SORCS3: variants seen among roughly 807,000 people sequenced by gnomAD.
SORCS3 encodes the protein VPS10 domain-containing receptor SorCS3.
A neutral mutation model predicts 146.3 loss-of-function variants in SORCS3; 57 were observed. The ratio of observed to expected loss-of-function variants is 0.39; its 90% CI spans 0.31 to 0.49. The LOEUF (loss-of-function observed/expected upper bound fraction) is 0.49. Among genes scored for constraint, SORCS3 ranks in the 20% least tolerant of loss-of-function variants. The pLI, the probability that SORCS3 is intolerant of heterozygous loss-of-function variation, is 0.92. For missense variants in SORCS3, 1,341 were observed against 1,575.5 expected (o/e 0.85, Z 2.52); for synonymous variants, 653 against 618.5 (o/e 1.06, Z -0.83).
At chr10:105,222,491 GT>G (rs2056709924) in intron 19 of SORCS3, among the ~76,000 whole-genome samples, 1 of 152,054 alleles carries the variant, frequency 6.6e-6, no homozygotes, top group Non-Finnish European at 1.5e-5. Context: ...GCTTATATCA[GT>G]TTTCTGAGGG....
chr10:105,158,873 A>C lies in SORCS3; in HGVS notation c.1630-19A>C. On this transcript the variant is annotated intron_variant, in intron 10 of 26. Transcript: ENST00000369701. The stretch of plus-strand genomic sequence containing the variant: ...GTCTGGAATTTCCTAGAATGAAACT[A>C]TTTCTTTCTCCATTTTAGCCCTTCT... 1 of 1,578,940 alleles carries C rather than the reference A, an allele frequency of 6.3e-7. No homozygotes were observed. The highest frequency in any genetic ancestry group is 8.7e-7 in the Non-Finnish European group (1 of 1,149,014).
chr10:104,726,424 C>T (rs1438238348), intron 1 of SORCS3, among the ~76,000 whole-genome samples: 1 of 152,174 alleles, frequency 6.6e-6, no homozygotes, highest in Non-Finnish European at 1.5e-5. Context: ...TGGATTAATG[C>T]TGTAGGCCAA....
chr10:105,141,708 C>T, intron 8 of SORCS3, among the ~76,000 whole-genome samples: 1 of 152,134 alleles, frequency 6.6e-6, no homozygotes, highest in East Asian at 1.9e-4. Flanking sequence ...ATAACTCAGT[C>T]CCTGGGCATC....
At chr10:104,896,231 T>TTCCCC (rs762206365) in intron 2 of SORCS3, among the ~76,000 whole-genome samples, 42 of 152,312 alleles carry the variant, frequency 2.8e-4, no homozygotes, top group Non-Finnish European at 4.4e-4. Context: ...GAGTTGTCAG[T>TTCCCC]TCCCCTCTTT....
At chr10:105,262,220 T>C in intron 25 of SORCS3, 111 bp from the exon 26 acceptor site, 1 of 980,290 alleles carries the variant, frequency 1.0e-6, no homozygotes, top group Non-Finnish European at 1.6e-6. Flanking sequence ...TTCCCTGACA[T>C]GGACCCTTCC....
At chr10:104,940,243 T>TA (rs2019305020) in intron 3 of SORCS3, among the ~76,000 whole-genome samples, 1 of 37,904 alleles carries the variant, frequency 2.6e-5, no homozygotes, top group South Asian at 9.4e-4. Context: ...TATATATTTT[T>TA]TTTTTTTTTT....
In SORCS3 at chr10:105,262,514, G is replaced by A. The variant is rs766509767; in HGVS notation, c.3604+23G>A. ...TAGGTACATGCTCCTGCTCCACTAA[G>A]CTCCCCTGTTCTGTGTCCTCTAAAC... is the stretch of plus-strand genomic sequence containing the variant. On this transcript the variant is annotated intron_variant, in intron 26 of 26. Transcript: ENST00000369701. The A allele has an allele frequency of 1.4e-5, 22 of 1,609,476 alleles. No individual in the cohort carries two copies. The South Asian group carries it at 2.3e-4, about 17-fold the overall frequency.
intron 2 of SORCS3, among the ~76,000 whole-genome samples, chr10:104,908,162 C>G (rs567340191): frequency 2.0e-5 from 3 of 152,206 alleles, no homozygotes; most frequent in Non-Finnish European, 4.4e-5. Context: ...CAGTGGAGTA[C>G]ACCTGAAGGA....
At chr10:105,182,451 G>C (rs897290559) in intron 14 of SORCS3, among the ~76,000 whole-genome samples, 1 of 151,908 alleles carries the variant, frequency 6.6e-6, no homozygotes, top group Non-Finnish European at 1.5e-5. Flanking sequence ...TTAAAGGAAG[G>C]TACTATAATT....
At chr10:105,086,490 A>G (rs2055661369) in intron 5 of SORCS3, among the ~76,000 whole-genome samples, 1 of 152,154 alleles carries the variant, frequency 6.6e-6, no homozygotes. Context: ...CTTGCTTTCA[A>G]CCTTGAAAGA....
intron 19 of SORCS3, among the ~76,000 whole-genome samples, chr10:105,219,286 C>T (rs2056684689): frequency 6.6e-6 from 1 of 152,264 alleles, no homozygotes; most frequent in East Asian, 1.9e-4. Context: ...AGTTTTCTCC[C>T]CACAAAGTCA....
At chr10:105,155,109 C>G (rs2056197235) in intron 9 of SORCS3, among the ~76,000 whole-genome samples, 1 of 152,158 alleles carries the variant, frequency 6.6e-6, no homozygotes, top group South Asian at 2.1e-4. Context: ...GTCCCCATTC[C>G]CCTGGTTTTG....
intron 1 of SORCS3, among the ~76,000 whole-genome samples, chr10:104,644,160 T>A (rs1458907247): frequency 1.3e-5 from 2 of 152,160 alleles, no homozygotes; most frequent in African/African-American, 4.8e-5. Context: ...GTGACAGCAA[T>A]GAGATTGGAC....
At chr10:104,723,246 C>T (rs940471860) in intron 1 of SORCS3, among the ~76,000 whole-genome samples, 14 of 152,196 alleles carry the variant, frequency 9.2e-5, no homozygotes, top group African/African-American at 3.4e-4. Flanking sequence ...ACCCAGTAGT[C>T]ATTCAGGAGC....
chr10:105,068,629 A>G (rs908420683), intron 5 of SORCS3, among the ~76,000 whole-genome samples: 4 of 152,220 alleles, frequency 2.6e-5, no homozygotes, highest in African/African-American at 4.8e-5. Flanking sequence ...AAAAAATTAA[A>G]GCGTAATGAC....
intron 1 of SORCS3, among the ~76,000 whole-genome samples, chr10:104,654,648 G>A (rs1243590524): frequency 1.3e-5 from 2 of 152,014 alleles, no homozygotes; most frequent in Non-Finnish European, 2.9e-5. Flanking sequence ...AGAAATCTAG[G>A]GTCAAAAAAG....
At chr10:105,042,180 A>G (rs2055342636) in intron 4 of SORCS3, among the ~76,000 whole-genome samples, 1 of 152,182 alleles carries the variant, frequency 6.6e-6, no homozygotes, top group Admixed American at 6.5e-5. Flanking sequence ...CCAACCAGCA[A>G]TGGATTACTA....
intron 14 of SORCS3, among the ~76,000 whole-genome samples, chr10:105,182,512 G>A (rs1012523127): frequency 1.3e-5 from 2 of 152,018 alleles, no homozygotes; most frequent in African/African-American, 4.8e-5. Context: ...GGAAACAGTG[G>A]CAGTATACCA....
intron 4 of SORCS3, among the ~76,000 whole-genome samples, chr10:105,002,412 A>G (rs1055472032): frequency 2.6e-5 from 4 of 152,196 alleles, no homozygotes; most frequent in Non-Finnish European, 1.5e-5. Context: ...TCAGATAGGT[A>G]GGAATAAGGA....
Sources: gnomAD v4.1 joint callset for allele counts (sites outside exome capture counted in the v4.1 genomes callset) on GRCh38, gnomAD v4.1.1 for gene constraint, MANE v1.5 for transcripts, NCBI Gene and HGNC (gene_info 2026-07-23, HGNC 2026-07-21) for gene names.